Variants in MALRD1 observed in about 807,000 individuals in gnomAD.
MALRD1 encodes MAM and LDL-receptor class A domain-containing protein 1.
A neutral mutation model predicts 242.1 loss-of-function variants in MALRD1; 247 were observed. The observed-to-expected ratio is 1.02, with a 90% confidence interval of 0.92 to 1.13. MALRD1 has a LOEUF of 1.13. Among genes scored for constraint, MALRD1 ranks in the 50% most tolerant of loss-of-function variants. The probability of loss-of-function intolerance (pLI) is 0.00; values close to 1 mark genes in which losing one functional copy is unlikely to be tolerated. For missense variants in MALRD1, 2,989 were observed against 2,533.1 expected (o/e 1.18, Z -3.86); for synonymous variants, 995 against 866.6 (o/e 1.15, Z -2.60).
intron 18 of MALRD1, among the ~76,000 whole-genome samples, chr10:19,247,834 A>G (rs1309251030): frequency 2.0e-5 from 3 of 151,924 alleles, no homozygotes; most frequent in Admixed American, 2.0e-4. Context: ...TTAAAATAAA[A>G]ACTTAACCGA....
chr10:19,122,245 G>C (rs1026601134), intron 5 of MALRD1, among the ~76,000 whole-genome samples: 15 of 152,140 alleles, frequency 9.9e-5, no homozygotes, highest in Admixed American at 8.5e-4. Context: ...CTGAAATATT[G>C]TTAGAGTAGA....
intron 35 of MALRD1, among the ~76,000 whole-genome samples, chr10:19,611,936 C>G (rs1302624251): frequency 6.6e-6 from 1 of 151,942 alleles, no homozygotes; most frequent in Non-Finnish European, 1.5e-5. Context: ...CACTATAGAG[C>G]ATAAAAATGC....
chr10:19,563,961 C>G (rs1589244370), intron 32 of MALRD1, among the ~76,000 whole-genome samples: 2 of 152,252 alleles, frequency 1.3e-5, no homozygotes, highest in African/African-American at 4.8e-5. Flanking sequence ...CTCTCTTTTT[C>G]CTGCTTTCCC....
intron 13 of MALRD1, among the ~76,000 whole-genome samples, chr10:19,171,423 TATATAC>T (rs200650841): frequency 0.11 from 10,166 of 89,656 alleles, 765 homozygotes; most frequent in East Asian, 0.36. Flanking sequence ...TTTTATATTT[TATATAC>T]ATATATATAT....
chr10:19,467,198 C>CA (rs1223374407), intron 29 of MALRD1, among the ~76,000 whole-genome samples: 3 of 140,442 alleles, frequency 2.1e-5, no homozygotes, highest in African/African-American at 5.3e-5. Context: ...ACTAAAAATA[C>CA]AAAAAAATTA....
At chr10:19,160,910 C>T (rs375895583) in intron 12 of MALRD1, among the ~76,000 whole-genome samples, 3,345 of 148,036 alleles carry the variant, frequency 0.023, 100 homozygotes, top group East Asian at 0.17. Flanking sequence ...TTTCAAAAAA[C>T]CAGCTCCTGG....
At chr10:19,338,754 T>C (rs1843711630) in intron 24 of MALRD1, among the ~76,000 whole-genome samples, 1 of 145,882 alleles carries the variant, frequency 6.9e-6, no homozygotes, top group African/African-American at 2.8e-5. Flanking sequence ...TACGAACAAT[T>C]CAATTATACT....
chr10:19,477,537 G>A (rs1836795514), intron 29 of MALRD1, among the ~76,000 whole-genome samples: 1 of 152,066 alleles, frequency 6.6e-6, no homozygotes, highest in Admixed American at 6.6e-5. Context: ...CATTGTCTGG[G>A]GCAAACACCT....
chr10:19,344,823 G>C (rs531955218), intron 24 of MALRD1, among the ~76,000 whole-genome samples: 1 of 151,628 alleles, frequency 6.6e-6, no homozygotes, highest in Admixed American at 6.6e-5. Context: ...TCAGCATTTC[G>C]TGGTTTTCAG....
At chr10:19,111,627 G>A (rs1836682742) in intron 5 of MALRD1, among the ~76,000 whole-genome samples, 1 of 152,156 alleles carries the variant, frequency 6.6e-6, no homozygotes, top group Non-Finnish European at 1.5e-5. Context: ...GCAACATTGG[G>A]GATTTAGATG....
At chr10:19,338,019 G>A (rs534418139) in intron 24 of MALRD1, among the ~76,000 whole-genome samples, 3 of 149,930 alleles carry the variant, frequency 2.0e-5, no homozygotes, top group Admixed American at 6.7e-5. Context: ...CCAAGATCAC[G>A]CCACTGCACT....
intron 38 of MALRD1, among the ~76,000 whole-genome samples, chr10:19,708,203 T>C (rs149821874): frequency 3.3e-5 from 4 of 121,464 alleles, no homozygotes; most frequent in African/African-American, 1.0e-4. Context: ...TATTTTCTTA[T>C]GTATAAAATG....
chr10:19,513,637 G>A (rs2131295810), intron 31 of MALRD1, among the ~76,000 whole-genome samples: 2 of 152,074 alleles, frequency 1.3e-5, no homozygotes. Flanking sequence ...TACTCGGGAG[G>A]CTGAGGCAGG....
At chr10:19,378,846 T>C (rs1205668919) in intron 26 of MALRD1, among the ~76,000 whole-genome samples, 3 of 152,140 alleles carry the variant, frequency 2.0e-5, no homozygotes, top group Admixed American at 2.0e-4. Context: ...GAGTGCTCCC[T>C]CTTCCTCTAT....
At chr10:19,292,854 T>C (rs1316909220) in intron 21 of MALRD1, among the ~76,000 whole-genome samples, 8 of 140,844 alleles carry the variant, frequency 5.7e-5, no homozygotes, top group Non-Finnish European at 7.5e-5. Flanking sequence ...GATCACGCCA[T>C]TGCACTCCAG....
At chr10:19,344,164 G>A (rs1016483130) in intron 24 of MALRD1, among the ~76,000 whole-genome samples, 1 of 152,050 alleles carries the variant, frequency 6.6e-6, no homozygotes, top group Non-Finnish European at 1.5e-5. Context: ...TAATGTTGAT[G>A]AAGTTCAATG....
At position 19,399,537 on chromosome 10, in the gene MALRD1, C is replaced by T. The variant is rs1589022800; in HGVS notation, c.4845+9928C>T. On this transcript the variant is annotated intron_variant, in intron 28 of 39. Coordinates refer to ENST00000454679, the MANE Select transcript of MALRD1 (RefSeq NM_001142308.3). ...CTGAATCACATTTCTGACTCGGATG[C>T]TGCTATAAGTTTGGCAGTCCGTTTT... 1.1e-4 allele frequency among the ~76,000 whole-genome samples: 17 copies of T among 152,250 alleles called. No individual in the cohort carries two copies. In the South Asian group the frequency reaches 3.5e-3, roughly 32 times the overall value.
chr10:19,585,169 C>G lies in MALRD1; in HGVS notation c.5681-10025C>G, dbSNP rs181786051. 1.1e-3 allele frequency among the ~76,000 whole-genome samples: 165 copies of G among 152,286 alleles called. 1 individual carries two copies. The highest frequency in any genetic ancestry group is 3.1e-3 in the African/African-American group (127 of 41,534). On this transcript the variant is annotated intron_variant, in intron 33 of 39. Transcript: ENST00000454679. Reference sequence around the variant, plus strand: ...AATACAGCACACTGATGGGTCTTGGCTCTTTATCCAATTTGCCGGTCTGTG... The same window carrying G: ...AATACAGCACACTGATGGGTCTTGGGTCTTTATCCAATTTGCCGGTCTGTG...
At chr10:19,680,516 G>A (rs1414390069) in intron 36 of MALRD1, among the ~76,000 whole-genome samples, 1 of 151,978 alleles carries the variant, frequency 6.6e-6, no homozygotes, top group African/African-American at 2.4e-5. Context: ...ACTTTATTTT[G>A]AGGCTATGTG....
Sources: gnomAD v4.1 joint callset for allele counts (sites outside exome capture counted in the v4.1 genomes callset) on GRCh38, gnomAD v4.1.1 for gene constraint, MANE v1.5 for transcripts, NCBI Gene and HGNC (gene_info 2026-07-23, HGNC 2026-07-21) for gene names.